Variants in XPA observed in about 807,000 individuals in gnomAD.
XPA encodes the protein XPA, DNA damage recognition and repair factor.
XPA carries 27 observed loss-of-function variants against 35.7 expected under a neutral mutation model. The observed-to-expected ratio is 0.76, with a 90% CI of 0.56 to 1.04. The LOEUF (loss-of-function observed/expected upper bound fraction) is 1.04. XPA is among the 50% of genes least tolerant of loss of function. The pLI is 0.00. For synonymous variants in XPA, 133 were observed against 118.4 expected, an observed-to-expected ratio of 1.12 and a Z score of -0.80; for missense variants, 354 against 342.7, an observed-to-expected ratio of 1.03 and a Z score of -0.26.
intron 2 of XPA, among the ~76,000 whole-genome samples, chr9:97,692,641 A>C (rs1274826198): frequency 6.6e-6 from 1 of 152,226 alleles, no homozygotes; most frequent in Non-Finnish European, 1.5e-5. Context: ...GCAGTTTTCT[A>C]ATTTAAAATA....
the XPA span, among the ~76,000 whole-genome samples, chr9:97,657,860 G>A: frequency 0.86 from 126,646 of 146,550 alleles, 54,855 homozygotes; most frequent in Middle Eastern, 0.91. Context: ...ATTGTCCCTG[G>A]TATGTACATG....
At chr9:97,696,530 CTTCTGATTGCTGAGTAGGAGA>C (rs1829048076) in intron 1 of XPA, among the ~76,000 whole-genome samples, 1 of 152,302 alleles carries the variant, frequency 6.6e-6, no homozygotes, top group Admixed American at 6.5e-5. Context: ...CCAGTCCCTT[CTTCTGATTGCTGAGTAGGAGA>C]TTCTGATTGC....
At chr9:97,659,999 T>C in the XPA span, among the ~76,000 whole-genome samples, 1 of 152,194 alleles carries the variant, frequency 6.6e-6, no homozygotes, top group Admixed American at 6.5e-5. Context: ...CTTTTCTCCT[T>C]CTAGATTCTA....
the XPA span, chr9:97,655,001 A>T: frequency 7.6e-7 from 1 of 1,315,280 alleles, no homozygotes; most frequent in East Asian, 2.6e-5. Flanking sequence ...CCTGTACTTC[A>T]TAAAGGAATT....
intron 5 of XPA, among the ~76,000 whole-genome samples, chr9:97,677,126 A>C (rs1315572838): frequency 6.6e-6 from 1 of 152,202 alleles, no homozygotes. Flanking sequence ...ACTGCAGCGC[A>C]ATCATGCTAA....
At chr9:97,697,097 G>C (rs1486539924) in intron 1 of XPA, 24 bp downstream of exon 1, 3 of 1,523,418 alleles carry the variant, frequency 2.0e-6, no homozygotes, top group African/African-American at 2.8e-5. Flanking sequence ...AGAGGGAAGG[G>C]GAAAGCGCGG....
the XPA span, chr9:97,669,514 G>A: frequency 8.8e-6 from 8 of 913,214 alleles, no homozygotes; most frequent in South Asian, 8.6e-5. Flanking sequence ...CAATACTTTG[G>A]GGTTTCTTTG....
chr9:97,690,850 T>C (rs1828866697), intron 2 of XPA, among the ~76,000 whole-genome samples: 1 of 152,230 alleles, frequency 6.6e-6, no homozygotes, highest in African/African-American at 2.4e-5. Flanking sequence ...GAAACCTGTG[T>C]GCTTACATTG....
chr9:97,680,780 A>G (rs3176715), intron 5 of XPA, among the ~76,000 whole-genome samples: 5,952 of 152,276 alleles, frequency 0.039, 409 homozygotes, highest in African/African-American at 0.14. Context: ...AAAACAAGGT[A>G]AGGCTTTAGA....
chr9:97,676,683 C>T (rs1321129834), intron 5 of XPA, among the ~76,000 whole-genome samples: 1 of 152,108 alleles, frequency 6.6e-6, no homozygotes, highest in Non-Finnish European at 1.5e-5. Flanking sequence ...ATCCTCACAA[C>T]CCTTTAAGAT....
intron 5 of XPA, among the ~76,000 whole-genome samples, chr9:97,681,390 G>A (rs1366065201): frequency 5.9e-5 from 9 of 152,096 alleles, no homozygotes. Flanking sequence ...ACAGAGAACT[G>A]AGTCTCCCGA....
At chr9:97,682,819 T>C (rs1828587557) in intron 5 of XPA, among the ~76,000 whole-genome samples, 1 of 152,196 alleles carries the variant, frequency 6.6e-6, no homozygotes, top group South Asian at 2.1e-4. Context: ...TTTATATTTC[T>C]TTAAAAAGTA....
the XPA span, among the ~76,000 whole-genome samples, chr9:97,663,231 CATT>C: frequency 6.6e-6 from 1 of 152,090 alleles, no homozygotes; most frequent in South Asian, 2.1e-4. Context: ...AAAGAGTAAG[CATT>C]ATTATGATTT....
rs375757904 is a variant in XPA, at chr9:97,684,711, G to A, written c.673+212C>T. Among the ~76,000 whole-genome samples the A allele has an allele frequency of 1.2e-4, 19 of 152,268 alleles. No homozygotes were observed. In the South Asian group the frequency reaches 2.5e-3, roughly 20 times the overall value. On this transcript the variant is annotated intron_variant, in intron 5 of 5. Coordinates refer to ENST00000375128, the MANE Select transcript of XPA (RefSeq NM_000380.4). ...AAAACATGATTCACTTTAAGATGAT[G>A]ACGTACATGCTTTTCAGAAATGTCG...
At chr9:97,693,050 CTTT>C (rs201521443) in intron 2 of XPA, among the ~76,000 whole-genome samples, 4 of 139,590 alleles carry the variant, frequency 2.9e-5, no homozygotes, top group Admixed American at 7.2e-5. Context: ...TGGAATAGGT[CTTT>C]TTTTTTTTTT....
the XPA span, among the ~76,000 whole-genome samples, chr9:97,665,936 A>AAGTG: frequency 6.6e-6 from 1 of 152,304 alleles, no homozygotes; most frequent in South Asian, 2.1e-4. Context: ...AACATTCATG[A>AAGTG]AGTGAGAGTG....
chr9:97,656,147 C>T, the XPA span: 5 of 1,287,370 alleles, frequency 3.9e-6, no homozygotes, highest in East Asian at 7.0e-5. Flanking sequence ...CTTCTCTGCA[C>T]TTGTGATGTG....
chr9:97,658,800 AAGTT>A, the XPA span: 3 of 1,318,322 alleles, frequency 2.3e-6, no homozygotes, highest in African/African-American at 1.5e-5. Context: ...AGTATATCTG[AAGTT>A]AGTTGTTTAA....
chr9:97,671,029 A>G (rs1828174903), downstream of XPA: 1 of 1,183,112 alleles, frequency 8.5e-7, no homozygotes, highest in Admixed American at 1.9e-5. Flanking sequence ...GAAATGTTCC[A>G]CAAGATTGCT....
Sources: allele counts gnomAD v4.1 joint callset (sites outside exome capture counted in the v4.1 genomes callset), GRCh38; gene constraint gnomAD v4.1.1; transcripts MANE v1.5; gene names NCBI Gene and HGNC (gene_info 2026-07-23, HGNC 2026-07-21).